Variants in ARHGEF37 observed in about 807,000 individuals in gnomAD.
ARHGEF37 encodes the protein Rho guanine nucleotide exchange factor (GEF) 37.
ARHGEF37 carries 55 observed loss-of-function variants against 71.1 expected under a neutral mutation model. The ratio of observed to expected loss-of-function variants is 0.77; its 90% CI spans 0.62 to 0.97. The LOEUF (loss-of-function observed/expected upper bound fraction) is 0.97. Among genes scored for constraint, ARHGEF37 ranks in the 50% least tolerant of loss-of-function variants. The pLI is 0.00. For missense variants in ARHGEF37, 765 were observed against 836.8 expected (o/e 0.91, Z 1.06); for synonymous variants, 327 against 350.6 (o/e 0.93, Z 0.75).
intron 1 of ARHGEF37, among the ~76,000 whole-genome samples, chr5:149,556,663 A>T (rs188956774): frequency 2.0e-5 from 3 of 152,282 alleles, no homozygotes; most frequent in Non-Finnish European, 4.4e-5. Flanking sequence ...CTGGGATTAC[A>T]GGTATGAGCC....
At chr5:149,612,051 A>T (rs1160254381) in intron 4 of ARHGEF37, among the ~76,000 whole-genome samples, 1 of 152,232 alleles carries the variant, frequency 6.6e-6, no homozygotes, top group Non-Finnish European at 1.5e-5. Flanking sequence ...CTTGTAATAA[A>T]TAAGTTTGGA....
chr5:149,590,734 C>T (rs1469753535), intron 1 of ARHGEF37, among the ~76,000 whole-genome samples: 1 of 152,044 alleles, frequency 6.6e-6, no homozygotes, highest in East Asian at 1.9e-4. Context: ...GTAGCTGGGA[C>T]TCCAGATGTG....
chr5:149,612,179 T>C (rs1245366848), intron 4 of ARHGEF37, among the ~76,000 whole-genome samples: 1 of 151,916 alleles, frequency 6.6e-6, no homozygotes, highest in Non-Finnish European at 1.5e-5. Flanking sequence ...GACTTTCTCT[T>C]TTTTTTGAGA....
intron 1 of ARHGEF37, among the ~76,000 whole-genome samples, chr5:149,582,767 A>G (rs866747803): frequency 1.3e-5 from 2 of 152,130 alleles, no homozygotes; most frequent in Non-Finnish European, 2.9e-5. Context: ...ATGTACATCT[A>G]TTATGTACAC....
At chr5:149,570,672 T>C (rs374032899) in intron 1 of ARHGEF37, among the ~76,000 whole-genome samples, 8 of 151,394 alleles carry the variant, frequency 5.3e-5, no homozygotes, top group African/African-American at 1.9e-4. Flanking sequence ...GGTCAGGAGT[T>C]CAAGACCACC....
intron 10 of ARHGEF37, among the ~76,000 whole-genome samples, chr5:149,625,858 C>A (rs1391755592): frequency 7.9e-5 from 12 of 152,068 alleles, no homozygotes; most frequent in Admixed American, 7.9e-4. Flanking sequence ...CGGACAGAAG[C>A]AGCCCTCATG....
intron 1 of ARHGEF37, among the ~76,000 whole-genome samples, chr5:149,584,541 G>A (rs1763182545): frequency 6.6e-6 from 1 of 152,002 alleles, no homozygotes; most frequent in African/African-American, 2.4e-5. Flanking sequence ...TTTCACAGTA[G>A]TTTCTAAAAT....
intron 12 of ARHGEF37, among the ~76,000 whole-genome samples, chr5:149,630,679 C>A (rs565986424): frequency 1.9e-3 from 284 of 152,300 alleles, no homozygotes; most frequent in Non-Finnish European, 3.4e-3. Flanking sequence ...AATGAGGTTA[C>A]CCCCGCCGCC....
chr5:149,587,808 A>G (rs1310797646), intron 1 of ARHGEF37, among the ~76,000 whole-genome samples: 4 of 151,182 alleles, frequency 2.6e-5, no homozygotes, highest in Admixed American at 6.6e-5. Flanking sequence ...CCTTCTGACT[A>G]TGGTGTCTAT....
At chr5:149,589,012 T>C (rs576251379) in intron 1 of ARHGEF37, among the ~76,000 whole-genome samples, 5 of 152,208 alleles carry the variant, frequency 3.3e-5, no homozygotes, top group Admixed American at 1.3e-4. Flanking sequence ...AGAGGATCAC[T>C]TGAGGCCAGG....
upstream of ARHGEF37, among the ~76,000 whole-genome samples, chr5:149,577,075 G>C (rs1763036079): frequency 6.6e-6 from 1 of 152,068 alleles, no homozygotes; most frequent in African/African-American, 2.4e-5. Context: ...GCAACCACAC[G>C]AGAAACACTG....
intron 1 of ARHGEF37, among the ~76,000 whole-genome samples, chr5:149,585,501 C>T (rs897648461): frequency 4.6e-5 from 7 of 152,112 alleles, no homozygotes; most frequent in African/African-American, 1.7e-4. Context: ...AAAAACACTA[C>T]ATAGTGCATA....
intron 4 of ARHGEF37, among the ~76,000 whole-genome samples, chr5:149,615,091 T>C (rs1409444825): frequency 2.0e-5 from 3 of 152,206 alleles, no homozygotes; most frequent in Admixed American, 6.5e-5. Flanking sequence ...CTATAACTAG[T>C]CATCCATGCA....
chr5:149,588,227 T>TTGC (rs1561790354), intron 1 of ARHGEF37, among the ~76,000 whole-genome samples: 6 of 151,500 alleles, frequency 4.0e-5, no homozygotes, highest in South Asian at 2.1e-4. Flanking sequence ...TGTTTGTTTG[T>TTGC]TTGCTTTGAG....
At chr5:149,574,003 C>A (rs112301925) in intron 1 of ARHGEF37, among the ~76,000 whole-genome samples, 1 of 151,998 alleles carries the variant, frequency 6.6e-6, no homozygotes, top group Non-Finnish European at 1.5e-5. Context: ...CATCCTTATG[C>A]GAATATCTTT....
intron 1 of ARHGEF37, among the ~76,000 whole-genome samples, chr5:149,583,607 T>G (rs1763160951): frequency 6.6e-6 from 1 of 152,218 alleles, no homozygotes; most frequent in Non-Finnish European, 1.5e-5. Flanking sequence ...AACAGTGCCT[T>G]GGCTGATTCT....
At chr5:149,590,282 CTT>C (rs201826189) in intron 1 of ARHGEF37, among the ~76,000 whole-genome samples, 8 of 139,056 alleles carry the variant, frequency 5.8e-5, no homozygotes, top group East Asian at 2.1e-4. Flanking sequence ...GATCATTCAA[CTT>C]TTTTTTTTTT....
Position 149,558,731 on chromosome 5 carries a change from GTGTGTGTATA to G in ARHGEF37, c.-12+6610_-12+6619del, listed in dbSNP as rs1233986980. ...TGTGTGTGTGTGTGTGTGTGTGTGT[GTGTGTGTATA>G]TATATTTTTATATGTATAAAATATT... On this transcript the variant is annotated intron_variant, in intron 1 of 2. Coordinates refer to the ARHGEF37 transcript ENST00000505810. Among the ~76,000 whole-genome samples the G allele has an allele frequency of 4.9e-3, 273 of 55,260 alleles. 2 individuals are homozygous for G. The highest frequency in any genetic ancestry group is 0.018 in the African/African-American group (208 of 11,788). The allele number at this position is 55,260 out of a possible 152,430, so 36.3% of individuals were successfully genotyped here.
chr5:149,609,546 A>G lies in ARHGEF37; in HGVS notation c.311-2A>G. The G allele has an allele frequency of 1.9e-6, 3 of 1,613,898 alleles. 1 individual carries two copies. Among genetic ancestry groups the G allele is most frequent in the Non-Finnish European group, 2.5e-6 (3 of 1,179,860 alleles). ...GACCCCTTGTTGCGTCTTCACTCTC[A>G]GGTAACATATTTCTGGAATTCCAAG... is the stretch of plus-strand genomic sequence containing the variant. On this transcript the variant is annotated splice_acceptor_variant, in intron 3 of 12. Transcript: ENST00000333677. LOFTEE classifies it high-confidence loss of function.
Sources: gnomAD v4.1 joint callset for allele counts (sites outside exome capture counted in the v4.1 genomes callset) on GRCh38, gnomAD v4.1.1 for gene constraint, MANE v1.5 for transcripts, NCBI Gene and HGNC (gene_info 2026-07-23, HGNC 2026-07-21) for gene names.